NBEA: variants seen among roughly 807,000 people sequenced by gnomAD.
NBEA encodes lysosomal-trafficking regulator 2.
In NBEA, 44 loss-of-function variants were observed where a neutral mutation model predicts 343.4. The observed-to-expected ratio is 0.13, with a 90% CI of 0.10 to 0.16. The LOEUF (loss-of-function observed/expected upper bound fraction) is 0.16, where lower values mean the gene tolerates loss of function less well. NBEA is among the 10% of genes least tolerant of loss of function. NBEA has a pLI of 1.00. For synonymous variants in NBEA, 1,175 were observed against 1,238.7 expected, an observed-to-expected ratio of 0.95 and a Z score of 1.08; for missense variants, 2,555 against 3,631.3, an observed-to-expected ratio of 0.70 and a Z score of 7.62.
At chr13:35,580,597 T>C (rs1593279533) in intron 45 of NBEA, among the ~76,000 whole-genome samples, 2 of 152,194 alleles carry the variant, frequency 1.3e-5, no homozygotes, top group East Asian at 3.8e-4. Context: ...GCAAATGTCA[T>C]CTATGACAAA....
intron 45 of NBEA, among the ~76,000 whole-genome samples, chr13:35,581,682 A>G (rs1226813958): frequency 1.0e-4 from 14 of 135,942 alleles, no homozygotes; most frequent in Admixed American, 6.7e-4. Context: ...GAATTGAACA[A>G]TGAGAACACA....
At chr13:35,087,837 T>C (rs1333808261) in intron 10 of NBEA, among the ~76,000 whole-genome samples, 4 of 151,902 alleles carry the variant, frequency 2.6e-5, no homozygotes, top group East Asian at 1.9e-4. Context: ...CCAGAGAACC[T>C]TGTAGACTAT....
At chr13:35,149,303 G>A (rs1297270309) in intron 18 of NBEA, among the ~76,000 whole-genome samples, 1 of 151,986 alleles carries the variant, frequency 6.6e-6, no homozygotes, top group Non-Finnish European at 1.5e-5. Context: ...CATAGTAACT[G>A]TTTTTTATTG....
chr13:35,476,217 C>G, intron 41 of NBEA: 5 of 1,604,712 alleles, frequency 3.1e-6, no homozygotes, highest in Non-Finnish European at 4.3e-6. Context: ...GAGCTGGAGC[C>G]AACTTCGGTG....
intron 49 of NBEA, among the ~76,000 whole-genome samples, chr13:35,642,346 A>G (rs1024609495): frequency 2.0e-5 from 3 of 152,226 alleles, no homozygotes; most frequent in African/African-American, 7.2e-5. Context: ...TATTAATAGT[A>G]TATAAAATAA....
chr13:35,215,713 A>G (rs1275528962), intron 33 of NBEA, among the ~76,000 whole-genome samples: 2 of 151,610 alleles, frequency 1.3e-5, no homozygotes, highest in Non-Finnish European at 3.0e-5. Flanking sequence ...CACTTTCTGT[A>G]GTTTCCTTAT....
intron 33 of NBEA, among the ~76,000 whole-genome samples, chr13:35,216,889 T>G (rs2074094900): frequency 6.6e-6 from 1 of 151,964 alleles, no homozygotes; most frequent in Non-Finnish European, 1.5e-5. Flanking sequence ...TGAACATACA[T>G]TTTTGTTTCT....
intron 1 of NBEA, among the ~76,000 whole-genome samples, chr13:34,951,927 A>G (rs1348223550): frequency 6.6e-6 from 1 of 152,252 alleles, no homozygotes; most frequent in Admixed American, 6.5e-5. Flanking sequence ...AGAAACTAAC[A>G]TTAGCCTATA....
chr13:35,659,736 T>C (rs1203677328), intron 55 of NBEA, among the ~76,000 whole-genome samples: 1 of 152,212 alleles, frequency 6.6e-6, no homozygotes, highest in Non-Finnish European at 1.5e-5. Context: ...TTTATAATAT[T>C]ATTCATTGTT....
intron 39 of NBEA, among the ~76,000 whole-genome samples, chr13:35,447,940 C>A (rs9544375): frequency 0.53 from 80,145 of 151,864 alleles, 23,125 homozygotes; most frequent in African/African-American, 0.76. Flanking sequence ...TTGAGACCTT[C>A]CCTCTTTTTG....
intron 1 of NBEA, among the ~76,000 whole-genome samples, chr13:34,977,428 C>T (rs577194196): frequency 2.2e-4 from 33 of 151,852 alleles, no homozygotes; most frequent in Non-Finnish European, 4.0e-4. Context: ...TCTGCCTCAG[C>T]GTCTTGAGTA....
intron 2 of NBEA, among the ~76,000 whole-genome samples, chr13:35,042,742 T>A (rs554018806): frequency 4.6e-5 from 7 of 151,892 alleles, no homozygotes; most frequent in African/African-American, 1.7e-4. Context: ...AAGAGCTTGA[T>A]GATGGAAGGA....
intron 34 of NBEA, among the ~76,000 whole-genome samples, chr13:35,237,376 C>A (rs948150082): frequency 6.6e-6 from 1 of 152,212 alleles, no homozygotes; most frequent in Non-Finnish European, 1.5e-5. Flanking sequence ...TTGCTCTCCA[C>A]CCCAGCCTGT....
At chr13:35,105,823 T>C (rs1352992416) in intron 11 of NBEA, among the ~76,000 whole-genome samples, 1 of 152,010 alleles carries the variant, frequency 6.6e-6, no homozygotes, top group African/African-American at 2.4e-5. Context: ...ACAATTACAA[T>C]AGTTTTACAC....
intron 38 of NBEA, among the ~76,000 whole-genome samples, chr13:35,375,166 A>G (rs2041667576): frequency 6.6e-6 from 1 of 152,176 alleles, no homozygotes; most frequent in South Asian, 2.1e-4. Context: ...CTTTCAAAGC[A>G]GTACACACAC....
intron 48 of NBEA, among the ~76,000 whole-genome samples, chr13:35,611,527 C>T (rs1451982651): frequency 1.3e-5 from 2 of 152,072 alleles, no homozygotes; most frequent in African/African-American, 4.8e-5. Flanking sequence ...AGTTATATGA[C>T]CATCACCACA....
intron 39 of NBEA, among the ~76,000 whole-genome samples, chr13:35,450,382 G>A (rs2046251000): frequency 6.6e-6 from 1 of 152,102 alleles, no homozygotes; most frequent in Admixed American, 6.5e-5. Flanking sequence ...ACCTACTCAG[G>A]AAGCTGAGGC....
intron 31 of NBEA, among the ~76,000 whole-genome samples, chr13:35,197,721 T>G (rs2152743110): frequency 6.6e-6 from 1 of 152,250 alleles, no homozygotes; most frequent in South Asian, 2.1e-4. Context: ...CAGGCTGGTC[T>G]TGAACTCTGA....
At chr13:35,470,099 A>G (rs1307126150) in intron 40 of NBEA, among the ~76,000 whole-genome samples, 5 of 152,202 alleles carry the variant, frequency 3.3e-5, no homozygotes, top group Non-Finnish European at 5.9e-5. Context: ...GTAATTGGAG[A>G]TTTCCAAAGG....
Sources: allele counts gnomAD v4.1 joint callset (sites outside exome capture counted in the v4.1 genomes callset), GRCh38; gene constraint gnomAD v4.1.1; transcripts MANE v1.5; gene names NCBI Gene and HGNC (gene_info 2026-07-23, HGNC 2026-07-21).